The following TMEM178B variants were observed in gnomAD, a reference collection of about 807,000 sequenced individuals.
The protein encoded by TMEM178B is transmembrane protein 178B.
In TMEM178B, 5 loss-of-function variants were observed where a neutral mutation model predicts 31.0. The ratio of observed to expected loss-of-function variants is 0.16; its 90% CI spans 0.08 to 0.34. The LOEUF is 0.34. TMEM178B is among the 10% of genes least tolerant of loss of function. The pLI is 1.00. For missense variants in TMEM178B, 275 were observed against 400.3 expected, an observed-to-expected ratio of 0.69 and a Z score of 2.67; for synonymous variants, 164 against 164.0, an observed-to-expected ratio of 1.00 and a Z score of 0.00.
chr7:141,411,357 G>C (rs544406827), intron 2 of TMEM178B, among the ~76,000 whole-genome samples: 1 of 152,216 alleles, frequency 6.6e-6, no homozygotes, highest in Non-Finnish European at 1.5e-5. Flanking sequence ...TGATGGTTGC[G>C]CAACAGTATG....
chr7:141,129,182 A>G (rs1337730222), intron 1 of TMEM178B, among the ~76,000 whole-genome samples: 1 of 152,192 alleles, frequency 6.6e-6, no homozygotes, highest in East Asian at 1.9e-4. Context: ...GGGAGCTAGC[A>G]TGGTCCTGGC....
At position 141,417,088 on chromosome 7, in the gene TMEM178B, A is replaced by C. The variant is rs114417187; in HGVS notation, c.497-20520A>C. ...GTGAGCTGTGTACAGTGCACTGTCG[A>C]CGGTTCCTGGCACATAGTAAGTGCT... On this transcript the variant is annotated intron_variant, in intron 2 of 3. Transcript: ENST00000565468. Among the ~76,000 whole-genome samples the C allele has an allele frequency of 5.1e-3, 778 of 152,294 alleles. 7 individuals carry two copies. Among genetic ancestry groups the C allele is most frequent in the African/African-American group, 0.017 (690 of 41,562 alleles).
At chr7:141,092,143 C>T (rs1440683101) in intron 1 of TMEM178B, among the ~76,000 whole-genome samples, 1 of 152,106 alleles carries the variant, frequency 6.6e-6, no homozygotes, top group Non-Finnish European at 1.5e-5. Context: ...CCGAGAAAGA[C>T]AGGATTAGTT....
At chr7:141,289,112 A>G (rs1798500207) in intron 2 of TMEM178B, among the ~76,000 whole-genome samples, 1 of 152,126 alleles carries the variant, frequency 6.6e-6, no homozygotes, top group African/African-American at 2.4e-5. Flanking sequence ...AACTACTTTT[A>G]TGATATAAAG....
chr7:141,240,251 A>T (rs1171767818), intron 2 of TMEM178B, among the ~76,000 whole-genome samples: 1 of 152,196 alleles, frequency 6.6e-6, no homozygotes, highest in African/African-American at 2.4e-5. Flanking sequence ...GAGGTTTTTA[A>T]TTGGAGGAGG....
intron 2 of TMEM178B, 36 bp downstream of exon 2, chr7:141,212,740 C>CT: frequency 4.1e-6 from 6 of 1,466,992 alleles, no homozygotes; most frequent in Non-Finnish European, 5.5e-6. Flanking sequence ...TGTGACTGTG[C>CT]TGTGAGGTCC....
intron 2 of TMEM178B, 156 bp downstream of exon 2, chr7:141,212,860 T>A: frequency 1.7e-6 from 1 of 580,652 alleles, no homozygotes; most frequent in Admixed American, 3.1e-5. Flanking sequence ...TAGAATTGCC[T>A]CAGTTGGTTT....
intron 2 of TMEM178B, among the ~76,000 whole-genome samples, chr7:141,220,351 AATAATAAT>A (rs1377667250): frequency 9.0e-5 from 8 of 88,466 alleles, no homozygotes; most frequent in Non-Finnish European, 1.4e-4. Flanking sequence ...TAATAATAAT[AATAATAAT>A]AAAATAATAA....
intron 2 of TMEM178B, among the ~76,000 whole-genome samples, chr7:141,222,159 C>T (rs1797268271): frequency 6.6e-6 from 1 of 152,144 alleles, no homozygotes; most frequent in Non-Finnish European, 1.5e-5. Flanking sequence ...TGTTTACTGG[C>T]TATAGATTTG....
chr7:141,194,914 G>A (rs1796757486), intron 1 of TMEM178B, among the ~76,000 whole-genome samples: 2 of 152,236 alleles, frequency 1.3e-5, no homozygotes. Context: ...CCACGTGGAA[G>A]CTGCCAAGGC....
chr7:141,388,980 GGCA>G, intron 2 of TMEM178B, among the ~76,000 whole-genome samples: 2 of 152,274 alleles, frequency 1.3e-5, no homozygotes, highest in East Asian at 3.9e-4. Flanking sequence ...CCTTACTCCT[GGCA>G]GCAGTAAGGT....
intron 2 of TMEM178B, among the ~76,000 whole-genome samples, chr7:141,253,544 C>CCTTTT (rs1797869282): frequency 2.9e-5 from 2 of 70,032 alleles, no homozygotes; most frequent in Admixed American, 2.3e-4. Context: ...ATTTTCCCTT[C>CCTTTT]TTTTTTTTTT....
chr7:141,166,315 G>C (rs1264689155), intron 1 of TMEM178B, among the ~76,000 whole-genome samples: 1 of 152,200 alleles, frequency 6.6e-6, no homozygotes, highest in Non-Finnish European at 1.5e-5. Flanking sequence ...TAAGGGTCCT[G>C]CTGGATTTAT....
intron 2 of TMEM178B, among the ~76,000 whole-genome samples, chr7:141,402,609 G>A (rs929156936): frequency 2.0e-5 from 3 of 152,222 alleles, no homozygotes; most frequent in South Asian, 2.1e-4. Flanking sequence ...ATGGAGGGTG[G>A]GAGAGAAGTG....
intron 1 of TMEM178B, among the ~76,000 whole-genome samples, chr7:141,160,847 T>C (rs1796157733): frequency 6.6e-6 from 1 of 152,178 alleles, no homozygotes; most frequent in African/African-American, 2.4e-5. Context: ...AACACATTTT[T>C]ATTGGATTTC....
At chr7:141,498,617 G>A in the TMEM178B span, among the ~76,000 whole-genome samples, 1 of 152,256 alleles carries the variant, frequency 6.6e-6, no homozygotes, top group African/African-American at 2.4e-5. Flanking sequence ...CCAGGTGGCT[G>A]TGTTTGATAG....
chr7:141,260,607 G>A (rs1332526917), intron 2 of TMEM178B, among the ~76,000 whole-genome samples: 1 of 152,108 alleles, frequency 6.6e-6, no homozygotes, highest in Non-Finnish European at 1.5e-5. Flanking sequence ...TCTTATTTAT[G>A]CAGCACAGGG....
chr7:141,428,218 A>G (rs1801355767), intron 2 of TMEM178B, among the ~76,000 whole-genome samples: 1 of 151,984 alleles, frequency 6.6e-6, no homozygotes, highest in Non-Finnish European at 1.5e-5. Context: ...ACAAAAAAAA[A>G]TTAGCTGGGC....
intron 2 of TMEM178B, among the ~76,000 whole-genome samples, chr7:141,405,092 C>G (rs562636353): frequency 3.3e-5 from 5 of 152,378 alleles, no homozygotes; most frequent in Admixed American, 2.6e-4. Context: ...ATGCTAATTT[C>G]TTCCAGTGGA....
Sources: gnomAD v4.1 joint callset for allele counts (sites outside exome capture counted in the v4.1 genomes callset) on GRCh38, gnomAD v4.1.1 for gene constraint, MANE v1.5 for transcripts, NCBI Gene and HGNC (gene_info 2026-07-23, HGNC 2026-07-21) for gene names.